MAPKAP1: variants seen among roughly 807,000 people sequenced by gnomAD.
MAPKAP1 encodes MAPK associated protein 1.
A neutral mutation model predicts 65.7 loss-of-function variants in MAPKAP1; 20 were observed. The observed-to-expected ratio is 0.30, with a 90% CI of 0.21 to 0.44. The LOEUF is 0.44. MAPKAP1 is among the 20% of genes least tolerant of loss of function. The pLI is 1.00. For missense variants in MAPKAP1, 423 were observed against 648.0 expected (o/e 0.65, Z 3.77); for synonymous variants, 222 against 244.3 (o/e 0.91, Z 0.85).
At chr9:125,540,372 G>A (rs965037699) in intron 7 of MAPKAP1, among the ~76,000 whole-genome samples, 3 of 152,180 alleles carry the variant, frequency 2.0e-5, no homozygotes, top group Non-Finnish European at 2.9e-5. Flanking sequence ...TGGAAAAAAG[G>A]TAAGAGAAGA....
At chr9:125,470,671 T>C (rs1853878575) in intron 9 of MAPKAP1, among the ~76,000 whole-genome samples, 1 of 152,182 alleles carries the variant, frequency 6.6e-6, no homozygotes, top group Non-Finnish European at 1.5e-5. Context: ...CGCCCTTTCC[T>C]GGGGTTATTG....
At chr9:125,672,002 T>C (rs894798394) in intron 2 of MAPKAP1, among the ~76,000 whole-genome samples, 6 of 152,222 alleles carry the variant, frequency 3.9e-5, no homozygotes, top group Non-Finnish European at 8.8e-5. Context: ...CTAATGTTGC[T>C]GTGTGAAGAC....
intron 1 of MAPKAP1, among the ~76,000 whole-genome samples, chr9:125,686,711 A>G (rs746292520): frequency 6.6e-6 from 1 of 152,236 alleles, no homozygotes; most frequent in Non-Finnish European, 1.5e-5. Flanking sequence ...GGTACGAGGA[A>G]TCTCTTTTTT....
intron 5 of MAPKAP1, among the ~76,000 whole-genome samples, chr9:125,576,430 C>G (rs146929705): frequency 6.6e-6 from 1 of 152,322 alleles, no homozygotes; most frequent in African/African-American, 2.4e-5. Flanking sequence ...AAACCTAAAA[C>G]TGCTCTAAAA....
At chr9:125,549,658 C>T (rs556368033) in intron 6 of MAPKAP1, among the ~76,000 whole-genome samples, 16 of 152,292 alleles carry the variant, frequency 1.1e-4, no homozygotes, top group Non-Finnish European at 2.1e-4. Flanking sequence ...AATGACTGCC[C>T]TCCGCCTTCT....
intron 4 of MAPKAP1, among the ~76,000 whole-genome samples, chr9:125,638,164 G>A (rs915269805): frequency 1.3e-5 from 2 of 152,208 alleles, no homozygotes; most frequent in African/African-American, 4.8e-5. Flanking sequence ...TCAAGTGGAG[G>A]AGTTTAGTTT....
intron 8 of MAPKAP1, among the ~76,000 whole-genome samples, chr9:125,494,839 CTCT>C (rs1854881280): frequency 6.6e-6 from 1 of 152,180 alleles, no homozygotes; most frequent in Admixed American, 6.5e-5. Context: ...CTGCTATGCA[CTCT>C]TTTCTACCCT....
intron 2 of MAPKAP1, among the ~76,000 whole-genome samples, chr9:125,670,963 A>G (rs1178095693): frequency 6.6e-6 from 1 of 152,046 alleles, no homozygotes; most frequent in East Asian, 1.9e-4. Flanking sequence ...CCAGAAATTT[A>G]AACTATGCTG....
intron 6 of MAPKAP1, among the ~76,000 whole-genome samples, chr9:125,550,974 T>C (rs1830565820): frequency 6.6e-6 from 1 of 152,236 alleles, no homozygotes; most frequent in South Asian, 2.1e-4. Flanking sequence ...CCAAACAGCA[T>C]GGCCTTGAAT....
rs68111625 is a variant in MAPKAP1, at chr9:125,659,717, T to TAA, written c.350-1920_350-1919dup. 5.9e-3 allele frequency among the ~76,000 whole-genome samples: 846 copies of TAA among 144,402 alleles called. 8 individuals carry two copies. The highest frequency in any genetic ancestry group is 0.014 in the African/African-American group (546 of 39,290). The allele number at this position is 144,402 out of a possible 152,430, so 94.7% of individuals were successfully genotyped here. A position where few individuals can be genotyped will look rare whatever the true frequency, so the allele number is the denominator to read the frequency against. On this transcript the variant is annotated intron_variant, in intron 3 of 11. Transcript: ENST00000265960. ...CACACAGTACTGAAACACTGCTCAT[T>TAA]AAAAAAAAAAAAAATCCTCTCTCTA...
At chr9:125,613,774 T>C (rs578051896) in intron 4 of MAPKAP1, among the ~76,000 whole-genome samples, 1 of 152,146 alleles carries the variant, frequency 6.6e-6, no homozygotes, top group Non-Finnish European at 1.5e-5. Flanking sequence ...ACCCATACTA[T>C]TTAACCTTAC....
At chr9:125,655,945 T>C (rs562854796) in intron 4 of MAPKAP1, among the ~76,000 whole-genome samples, 1 of 152,330 alleles carries the variant, frequency 6.6e-6, no homozygotes. Flanking sequence ...TTCCCGCTGG[T>C]ACTTCAGAAG....
chr9:125,561,433 A>C (rs184991330), intron 5 of MAPKAP1, among the ~76,000 whole-genome samples: 2 of 152,354 alleles, frequency 1.3e-5, no homozygotes. Flanking sequence ...GATAACAAGA[A>C]AGTAATCTAG....
intron 4 of MAPKAP1, among the ~76,000 whole-genome samples, chr9:125,594,972 C>T (rs1452334152): frequency 6.6e-6 from 1 of 152,092 alleles, no homozygotes; most frequent in Non-Finnish European, 1.5e-5. Flanking sequence ...ACAAAGGGCC[C>T]GACATAGTTA....
chr9:125,675,234 A>T (rs912046873), intron 1 of MAPKAP1, among the ~76,000 whole-genome samples: 1 of 152,220 alleles, frequency 6.6e-6, no homozygotes, highest in Non-Finnish European at 1.5e-5. Flanking sequence ...TGCAAAAACA[A>T]GGGCTTTAAT....
intron 10 of MAPKAP1, among the ~76,000 whole-genome samples, chr9:125,457,170 G>A (rs1470460687): frequency 1.3e-5 from 2 of 151,976 alleles, no homozygotes; most frequent in Admixed American, 6.6e-5. Flanking sequence ...TGCATTTTTA[G>A]TAGAGACAGG....
intron 4 of MAPKAP1, among the ~76,000 whole-genome samples, chr9:125,597,055 G>T (rs909221896): frequency 6.6e-6 from 1 of 151,048 alleles, no homozygotes; most frequent in African/African-American, 2.4e-5. Flanking sequence ...GAGGTCAGGA[G>T]ATCGAGACCA....
intron 7 of MAPKAP1, among the ~76,000 whole-genome samples, chr9:125,525,707 A>C (rs1016866437): frequency 7.7e-5 from 10 of 129,446 alleles, no homozygotes; most frequent in Admixed American, 2.2e-4. Context: ...AAAAACAAAC[A>C]AAAAAAAAAA....
intron 4 of MAPKAP1, among the ~76,000 whole-genome samples, chr9:125,610,254 A>T (rs1454349839): frequency 1.3e-5 from 2 of 152,224 alleles, no homozygotes; most frequent in African/African-American, 2.4e-5. Context: ...AAACTATTTT[A>T]CTATAGGACT....
Sources: gnomAD v4.1 joint callset for allele counts (sites outside exome capture counted in the v4.1 genomes callset) on GRCh38, gnomAD v4.1.1 for gene constraint, MANE v1.5 for transcripts, NCBI Gene and HGNC (gene_info 2026-07-23, HGNC 2026-07-21) for gene names.